The following NHSL1 variants were observed in gnomAD, a reference collection of about 807,000 sequenced individuals.
NHSL1 encodes NHS-like protein 1.
A neutral mutation model predicts 95.0 loss-of-function variants in NHSL1; 48 were observed. That is an observed-to-expected ratio of 0.51 (90% CI 0.40 to 0.64). NHSL1 has a LOEUF of 0.64. Among genes scored for constraint, NHSL1 ranks in the 30% least tolerant of loss-of-function variants. NHSL1 has a pLI of 0.00. For missense variants in NHSL1, 1,971 were observed against 2,077.7 expected (o/e 0.95, Z 1.00); for synonymous variants, 783 against 833.9 (o/e 0.94, Z 1.05).
chr6:138,663,113 C>T (rs999957316), intron 1 of NHSL1, among the ~76,000 whole-genome samples: 4 of 147,528 alleles, frequency 2.7e-5, no homozygotes, highest in South Asian at 4.3e-4. Flanking sequence ...AGATATTTGT[C>T]AAATAATACA....
At chr6:138,495,189 G>A (rs1780277389) in intron 2 of NHSL1, among the ~76,000 whole-genome samples, 1 of 151,448 alleles carries the variant, frequency 6.6e-6, no homozygotes, top group East Asian at 2.0e-4. Flanking sequence ...GTTGCAGTGA[G>A]CCGAGATCAC....
At chr6:138,498,255 C>T (rs1780474655) in intron 1 of NHSL1, among the ~76,000 whole-genome samples, 1 of 152,198 alleles carries the variant, frequency 6.6e-6, no homozygotes, top group Non-Finnish European at 1.5e-5. Flanking sequence ...TCGACAATTT[C>T]AAATCAAATC....
chr6:138,681,929 T>C (rs1785516966), intron 1 of NHSL1, among the ~76,000 whole-genome samples: 1 of 151,934 alleles, frequency 6.6e-6, no homozygotes, highest in Non-Finnish European at 1.5e-5. Flanking sequence ...AGGATTTCCC[T>C]ACAGGAATAA....
upstream of NHSL1, among the ~76,000 whole-genome samples, chr6:138,573,782 T>C (rs562151496): frequency 6.6e-6 from 1 of 152,244 alleles, no homozygotes; most frequent in South Asian, 2.1e-4. Context: ...TCATACCCAA[T>C]GTCACACAGA....
At chr6:138,558,596 G>A (rs1292334478) in intron 1 of NHSL1, among the ~76,000 whole-genome samples, 8 of 150,422 alleles carry the variant, frequency 5.3e-5, no homozygotes, top group African/African-American at 2.0e-4. Flanking sequence ...GCTAATTTTT[G>A]TATGTTTAGT....
At chr6:138,599,826 GAAGA>G (rs1173653716) in intron 1 of NHSL1, among the ~76,000 whole-genome samples, 5 of 152,212 alleles carry the variant, frequency 3.3e-5, no homozygotes, top group Admixed American at 2.6e-4. Flanking sequence ...AGGATACAAG[GAAGA>G]ATGAAGTACC....
At chr6:138,464,165 G>A (rs1778188220) in intron 3 of NHSL1, 4 of 630,012 alleles carry the variant, frequency 6.3e-6, no homozygotes, top group South Asian at 4.1e-5. Context: ...ATGGGAAGCA[G>A]TACAGTTATA....
chr6:138,585,736 G>T (rs1784125145), intron 1 of NHSL1, among the ~76,000 whole-genome samples: 1 of 152,026 alleles, frequency 6.6e-6, no homozygotes, highest in African/African-American at 2.4e-5. Context: ...TTAGTTAAAA[G>T]TGAGTTACAT....
At chr6:138,556,033 G>A (rs1196867260) in intron 1 of NHSL1, among the ~76,000 whole-genome samples, 1 of 151,968 alleles carries the variant, frequency 6.6e-6, no homozygotes, top group African/African-American at 2.4e-5. Context: ...TTGTTGTTAA[G>A]CTAACTCTAC....
intron 1 of NHSL1, among the ~76,000 whole-genome samples, chr6:138,681,647 T>C (rs1785512806): frequency 6.6e-6 from 1 of 152,168 alleles, no homozygotes; most frequent in Non-Finnish European, 1.5e-5. Flanking sequence ...CAACAGCAGT[T>C]CTCAGATGCC....
intron 4 of NHSL1, among the ~76,000 whole-genome samples, chr6:138,444,110 C>G (rs527630479): frequency 1.3e-5 from 2 of 152,186 alleles, no homozygotes; most frequent in African/African-American, 4.8e-5. Context: ...AGCAGTTATT[C>G]AATAAATATC....
intron 1 of NHSL1, among the ~76,000 whole-genome samples, chr6:138,536,925 T>C (rs1241625882): frequency 6.6e-6 from 1 of 152,154 alleles, no homozygotes; most frequent in African/African-American, 2.4e-5. Context: ...GGCTGCCAAT[T>C]ACTGACAGAA....
chr6:138,582,103 G>C (rs1198436686), intron 1 of NHSL1, among the ~76,000 whole-genome samples: 1 of 151,786 alleles, frequency 6.6e-6, no homozygotes, highest in Non-Finnish European at 1.5e-5. Context: ...CACTATATTG[G>C]CCAGGCTGGT....
At chr6:138,492,847 A>C (rs911890618) in intron 2 of NHSL1, among the ~76,000 whole-genome samples, 6 of 152,246 alleles carry the variant, frequency 3.9e-5, no homozygotes, top group Non-Finnish European at 5.9e-5. Context: ...CACAGTAAGA[A>C]TAGAAGAAGA....
At position 138,422,286 on chromosome 6, in the gene NHSL1, A is replaced by G. The variant is rs1194612656; in HGVS notation, c.*1795T>C. On this transcript the variant is annotated 3_prime_UTR_variant, in exon 8 of 8. Transcript: ENST00000343505. Reference sequence around the variant, plus strand: ...TCTAAAGAAACGATCTTTGTGCCAAATTAGTAGACAATTGCTCCAAATCTC... The same window carrying G: ...TCTAAAGAAACGATCTTTGTGCCAAGTTAGTAGACAATTGCTCCAAATCTC... 6.6e-6 allele frequency: 1 copy of G among 152,252 alleles called. No individual in the cohort carries two copies. The highest frequency in any genetic ancestry group is 2.4e-5 in the African/African-American group (1 of 41,472). 9.4% of individuals were successfully genotyped at this position (152,252 alleles called of 1,614,324 possible).
chr6:138,622,502 A>G (rs1784679188), intron 1 of NHSL1, among the ~76,000 whole-genome samples: 2 of 152,156 alleles, frequency 1.3e-5, no homozygotes, highest in African/African-American at 4.8e-5. Flanking sequence ...GAAAGAAAAA[A>G]ACAATAACCT....
Position 138,481,636 on chromosome 6 carries a change from A to G in NHSL1, c.212-8203T>C, listed in dbSNP as rs754603365. Among the ~76,000 whole-genome samples the G allele has an allele frequency of 2.6e-5, 4 of 152,302 alleles. No individual in the cohort carries two copies. In the Middle Eastern group the frequency reaches 0.014, roughly 518 times the overall value. On this transcript the variant is annotated intron_variant, in intron 2 of 7. Transcript: ENST00000343505. The stretch of plus-strand genomic sequence containing the variant: ...CTTTTCAATGAATATTTTCCTTTAT[A>G]ATTTATAGTAGTTTTAAATAAGTTT...
At chr6:138,686,345 A>C (rs997847381) in intron 1 of NHSL1, among the ~76,000 whole-genome samples, 1 of 151,766 alleles carries the variant, frequency 6.6e-6, no homozygotes, top group African/African-American at 2.4e-5. Context: ...ACACAGTAAA[A>C]CCCTGTCTCT....
intron 1 of NHSL1, among the ~76,000 whole-genome samples, chr6:138,524,050 C>T (rs1320711612): frequency 6.6e-6 from 1 of 152,084 alleles, no homozygotes. Context: ...GAGTAGGAAG[C>T]TAAGTAATTT....
Sources: allele counts gnomAD v4.1 joint callset (sites outside exome capture counted in the v4.1 genomes callset), GRCh38; gene constraint gnomAD v4.1.1; transcripts MANE v1.5; gene names NCBI Gene and HGNC (gene_info 2026-07-23, HGNC 2026-07-21).